Variants in CWC27 observed in about 807,000 individuals in gnomAD.
CWC27 encodes CWC27 spliceosome associated cyclophilin.
Under a neutral mutation model 63.6 loss-of-function variants are expected in CWC27, and 47 were observed. The observed-to-expected ratio is 0.74, with a 90% confidence interval of 0.58 to 0.94. The LOEUF is 0.94. Among genes scored for constraint, CWC27 ranks in the 40% least tolerant of loss-of-function variants. The pLI is 0.00. For synonymous variants in CWC27, 175 were observed against 179.8 expected, an observed-to-expected ratio of 0.97 and a Z score of 0.22; for missense variants, 495 against 554.3, an observed-to-expected ratio of 0.89 and a Z score of 1.07.
At chr5:64,795,674 T>C (rs182258680) in intron 7 of CWC27, among the ~76,000 whole-genome samples, 2 of 152,278 alleles carry the variant, frequency 1.3e-5, no homozygotes, top group Admixed American at 1.3e-4. Context: ...TTGTAAGGAC[T>C]CTTGTAATTA....
chr5:64,801,313 A>T lies in CWC27; in HGVS notation c.761A>T (p.Asp254Val). The T allele has an allele frequency of 7.1e-7, 1 of 1,411,498 alleles. No homozygotes were observed. Among genetic ancestry groups the T allele is most frequent in the Non-Finnish European group, 9.6e-7 (1 of 1,046,704 alleles). The allele number at this position is 1,411,498 out of a possible 1,614,324, so 87.4% of individuals were successfully genotyped here. Residue 254 changes from aspartate (D) to valine (V), a missense_variant, in exon 9 of 14, where the codon GAT becomes GTT. By Grantham distance (152) the Asp-to-Val change is radical. Around this residue, in one of 3 missense-constraint regions of CWC27, gnomAD observed 463 missense variants for 498.1 expected, o/e 0.93. Transcript: ENST00000381070. ...SVPVVESEKG[D>V]APDLVDDGED... is the part of the protein sequence containing the mutation. ...TATTTTTTTTATAGTGAAAAAGGTG[A>T]TGCACCAGATTTAGTTGATGTAAGT...
intron 11 of CWC27, among the ~76,000 whole-genome samples, chr5:64,928,673 C>G (rs947755050): frequency 1.3e-5 from 2 of 152,052 alleles, no homozygotes; most frequent in Non-Finnish European, 2.9e-5. Flanking sequence ...GGAATAGCAG[C>G]ATAGAGAAGA....
chr5:64,795,895 G>A (rs1350400590), intron 7 of CWC27, among the ~76,000 whole-genome samples: 2 of 152,096 alleles, frequency 1.3e-5, no homozygotes, highest in African/African-American at 4.8e-5. Flanking sequence ...TGTAGTTCTA[G>A]AAGGTAGAAG....
intron 13 of CWC27, among the ~76,000 whole-genome samples, chr5:65,007,400 G>T (rs1348661211): frequency 6.6e-6 from 1 of 152,132 alleles, no homozygotes; most frequent in Non-Finnish European, 1.5e-5. Context: ...TAAAAGCTAA[G>T]GATATTGCTC....
At chr5:64,952,185 A>G (rs1307629085) in intron 11 of CWC27, among the ~76,000 whole-genome samples, 1 of 152,044 alleles carries the variant, frequency 6.6e-6, no homozygotes, top group Non-Finnish European at 1.5e-5. Context: ...TGATATGTAA[A>G]TAGTTGTTAT....
At chr5:64,898,763 T>C (rs1747438504) in intron 11 of CWC27, among the ~76,000 whole-genome samples, 1 of 152,180 alleles carries the variant, frequency 6.6e-6, no homozygotes, top group Non-Finnish European at 1.5e-5. Context: ...GGGTGAGCAC[T>C]TCAGGACCAG....
intron 13 of CWC27, among the ~76,000 whole-genome samples, chr5:64,985,369 A>G (rs1203259077): frequency 1.3e-5 from 2 of 152,162 alleles, no homozygotes; most frequent in African/African-American, 4.8e-5. Context: ...AGGAGAATTG[A>G]CATCTTTACT....
intron 11 of CWC27, among the ~76,000 whole-genome samples, chr5:64,907,176 T>G (rs1428887398): frequency 6.6e-6 from 1 of 152,226 alleles, no homozygotes; most frequent in African/African-American, 2.4e-5. Flanking sequence ...ATATGAACTT[T>G]AAAGTAGTTT....
chr5:64,875,073 A>G (rs1016450268), intron 10 of CWC27, among the ~76,000 whole-genome samples: 3 of 147,106 alleles, frequency 2.0e-5, no homozygotes, highest in Non-Finnish European at 4.6e-5. Flanking sequence ...CTTAGACAGA[A>G]TAGCAATATC....
At chr5:64,884,530 A>T (rs1263744937) in intron 10 of CWC27, among the ~76,000 whole-genome samples, 1 of 152,232 alleles carries the variant, frequency 6.6e-6, no homozygotes, top group Non-Finnish European at 1.5e-5. Context: ...TTCAGATTCC[A>T]CTAAACCTTG....
At chr5:64,952,408 C>T (rs1339512260) in intron 11 of CWC27, among the ~76,000 whole-genome samples, 1 of 151,910 alleles carries the variant, frequency 6.6e-6, no homozygotes, top group Non-Finnish European at 1.5e-5. Context: ...ATTTTGTGCA[C>T]TAGAAACCCT....
At chr5:64,951,105 CAG>C (rs1384197931) in intron 11 of CWC27, among the ~76,000 whole-genome samples, 1 of 151,798 alleles carries the variant, frequency 6.6e-6, no homozygotes, top group South Asian at 2.1e-4. Context: ...AAATACCTAA[CAG>C]TGTGATTTCT....
At chr5:64,944,274 A>G (rs1748545622) in intron 11 of CWC27, among the ~76,000 whole-genome samples, 1 of 151,754 alleles carries the variant, frequency 6.6e-6, no homozygotes. Flanking sequence ...CCTTAAAGAA[A>G]TATACATGCT....
chr5:64,979,272 G>A (rs192312052), intron 13 of CWC27, among the ~76,000 whole-genome samples: 27 of 152,300 alleles, frequency 1.8e-4, no homozygotes, highest in Non-Finnish European at 3.2e-4. Flanking sequence ...TCTTCAGGGC[G>A]TTCATATCTG....
rs370977913 is a variant in CWC27 at position 64,971,803 on chromosome 5, G to A, written c.1143G>A (p.Arg381=). The change falls in exon 12 of 14, where the codon CGG becomes CGA. Residue 381 remains arginine (R), a synonymous_variant. Coordinates refer to ENST00000381070, the MANE Select transcript of CWC27 (RefSeq NM_005869.4). ...RKQQSKKGTS[R]EDQTLALLNQ... ...AACAGTCAAAGAAGGGAACTTCCCG[G>A]GAAGATCAGGTAACTTCAAAAACCC... 8 of 1,606,388 alleles carry A rather than the reference G, an allele frequency of 5.0e-6. No homozygotes were observed. The highest frequency in any genetic ancestry group is 6.8e-6 in the Non-Finnish European group (8 of 1,176,880).
chr5:64,823,870 G>A (rs971665829), intron 10 of CWC27, among the ~76,000 whole-genome samples: 2 of 151,958 alleles, frequency 1.3e-5, no homozygotes, highest in African/African-American at 4.8e-5. Context: ...TTTGCTAATT[G>A]TATTTTATAA....
intron 13 of CWC27, among the ~76,000 whole-genome samples, chr5:65,011,218 A>G (rs1749947799): frequency 6.6e-6 from 1 of 152,200 alleles, no homozygotes; most frequent in Non-Finnish European, 1.5e-5. Context: ...GCAACATAGC[A>G]AAACCCCATC....
chr5:65,003,601 C>T (rs1032932957), intron 13 of CWC27, among the ~76,000 whole-genome samples: 1 of 152,038 alleles, frequency 6.6e-6, no homozygotes, highest in Non-Finnish European at 1.5e-5. Flanking sequence ...TGGGGAAATC[C>T]CTCAATTTTT....
intron 11 of CWC27, among the ~76,000 whole-genome samples, chr5:64,937,518 T>C (rs1412496289): frequency 1.3e-5 from 2 of 152,208 alleles, no homozygotes; most frequent in Non-Finnish European, 2.9e-5. Flanking sequence ...TCCAGTTATA[T>C]GGTAAATTTT....
Sources: gnomAD v4.1 joint callset for allele counts (sites outside exome capture counted in the v4.1 genomes callset) on GRCh38, gnomAD v4.1.1 for gene constraint, gnomAD v4.1.1 regional missense constraint, MANE v1.5 for transcripts, NCBI Gene and HGNC (gene_info 2026-07-23, HGNC 2026-07-21) for gene names.